HKDC1: variants seen among roughly 807,000 people sequenced by gnomAD.
The protein encoded by HKDC1 is hexokinase domain containing 1, also known as hexokinase HKDC1.
In HKDC1, 66 loss-of-function variants were observed where a neutral mutation model predicts 96.6. The ratio of observed to expected loss-of-function variants is 0.68; its 90% CI spans 0.56 to 0.84. HKDC1 has a LOEUF of 0.84. Among genes scored for constraint, HKDC1 ranks in the 40% least tolerant of loss-of-function variants. The probability of loss-of-function intolerance (pLI) is 0.00; values close to 1 mark genes in which losing one functional copy is unlikely to be tolerated. For missense variants in HKDC1, 1,211 were observed against 1,208.1 expected, an observed-to-expected ratio of 1.00 and a Z score of -0.04; for synonymous variants, 466 against 473.1, an observed-to-expected ratio of 0.98 and a Z score of 0.20.
chr10:69,227,215 G>A lies in HKDC1; in HGVS notation c.72G>A (p.Arg24=), dbSNP rs1039717208. Reference sequence around the variant, plus strand: ...GCCGGTGTCTGTTCCAGGTGGACAGGTTCCTGTATCACATGCGGCTCTCCG... The same window carrying A: ...GCCGGTGTCTGTTCCAGGTGGACAGATTCCTGTATCACATGCGGCTCTCCG... ...LKEDQIKKVD[R]FLYHMRLSDD... is the part of the protein sequence containing the mutation. Residue 24 remains arginine, a synonymous_variant, in exon 2 of 18, where the codon AGG becomes AGA. Coordinates refer to ENST00000354624, the MANE Select transcript of HKDC1 (RefSeq NM_025130.4). 1.2e-6 allele frequency: 2 copies of A among 1,614,046 alleles called. No homozygotes were observed. Among genetic ancestry groups the A allele is most frequent in the Non-Finnish European group, 1.7e-6 (2 of 1,180,016 alleles).
At position 69,221,858 on chromosome 10, in the gene HKDC1, G is replaced by A. The variant is rs188147867; in HGVS notation, c.63+1360G>A. On this transcript the variant is annotated intron_variant, in intron 1 of 17. Coordinates refer to ENST00000354624, the MANE Select transcript of HKDC1 (RefSeq NM_025130.4). ...TGCGGTGGCAGGATGGCTTGAGCCC[G>A]GGAGACTGCGCTACTGCACTCCAGC... Among the ~76,000 whole-genome samples, 8 of 151,902 alleles carry A rather than the reference G, an allele frequency of 5.3e-5. No homozygotes were observed. The East Asian group carries it at 1.2e-3, about 22-fold the overall frequency.
chr10:69,220,995 C>CA (rs1298985414), intron 1 of HKDC1, among the ~76,000 whole-genome samples: 1 of 152,018 alleles, frequency 6.6e-6, no homozygotes, highest in Non-Finnish European at 1.5e-5. Flanking sequence ...ACTAAAAATA[C>CA]AAAAATTAGC....
chr10:69,253,894 C>A (rs923859980), intron 12 of HKDC1, among the ~76,000 whole-genome samples: 1 of 152,098 alleles, frequency 6.6e-6, no homozygotes, highest in Admixed American at 6.6e-5. Context: ...GCCAAGCTTC[C>A]GAGACTGGCA....
rs151031354 is a variant in HKDC1 at position 69,234,810 on chromosome 10, G to A, written c.495+1677G>A. Among the ~76,000 whole-genome samples, 1,029 of 152,364 alleles carry A rather than the reference G, an allele frequency of 6.8e-3. 6 individuals carry two copies. Among genetic ancestry groups the A allele is most frequent in the Non-Finnish European group, 0.011 (753 of 68,028 alleles). On this transcript the variant is annotated intron_variant, in intron 4 of 17. Coordinates refer to ENST00000354624, the MANE Select transcript of HKDC1 (RefSeq NM_025130.4). ...TCCCCGCCAAGGTCTCTGACAATGTGTTGTATTTAATAGGTGCTTGATAAC... is the reference window on the plus strand; with the variant it reads ...TCCCCGCCAAGGTCTCTGACAATGTATTGTATTTAATAGGTGCTTGATAAC...
intron 2 of HKDC1, chr10:69,232,295 T>G (rs1309566042): frequency 2.9e-5 from 5 of 169,968 alleles, no homozygotes; most frequent in Non-Finnish European, 5.1e-5. Flanking sequence ...CAGGAGTGTT[T>G]TCCCTCTGCC....
At chr10:69,237,627 C>A (rs1223194536) in intron 4 of HKDC1, among the ~76,000 whole-genome samples, 2 of 152,220 alleles carry the variant, frequency 1.3e-5, no homozygotes, top group Non-Finnish European at 2.9e-5. Context: ...TTATCCCTCA[C>A]TTCCCCCATC....
chr10:69,246,279 G>C, intron 8 of HKDC1, 45 bp downstream of exon 8: 2 of 1,603,758 alleles, frequency 1.2e-6, no homozygotes, highest in South Asian at 2.2e-5. Flanking sequence ...GCTGGGATGG[G>C]AGGCCCAGGT....
At chr10:69,240,594 G>A in intron 5 of HKDC1, 58 bp from the exon 6 acceptor site, 1 of 1,405,486 alleles carries the variant, frequency 7.1e-7, no homozygotes, top group Admixed American at 1.7e-5. Flanking sequence ...TGTGGGGAAG[G>A]AGGGAGGGAA....
At chr10:69,247,912 A>G (rs1384487510) in intron 9 of HKDC1, among the ~76,000 whole-genome samples, 2 of 152,162 alleles carry the variant, frequency 1.3e-5, no homozygotes, top group Non-Finnish European at 2.9e-5. Flanking sequence ...GCCATTATTT[A>G]CTGAACACCT....
chr10:69,255,705 T>G lies in HKDC1; in HGVS notation c.1837-1331T>G, dbSNP rs1259097085. On this transcript the variant is annotated intron_variant, in intron 12 of 17. Transcript: ENST00000354624. ...GCCGAGGAGGGTGGATCACTTGAGG[T>G]CAGGAGTTCAAGACCAGCCTGGCCA... is the stretch of plus-strand genomic sequence containing the variant. Among the ~76,000 whole-genome samples, 3 of 152,134 alleles carry G rather than the reference T, an allele frequency of 2.0e-5. No individual in the cohort carries two copies. In the East Asian group the frequency reaches 5.8e-4, roughly 29 times the overall value.
intron 2 of HKDC1, among the ~76,000 whole-genome samples, chr10:69,230,076 C>T (rs1461403134): frequency 6.6e-6 from 1 of 152,252 alleles, no homozygotes; most frequent in Non-Finnish European, 1.5e-5. Context: ...CTACTCCCAT[C>T]AGGACCTATC....
intron 1 of HKDC1, chr10:69,222,735 C>T (rs1381695788): frequency 3.3e-5 from 5 of 152,142 alleles, no homozygotes; most frequent in East Asian, 1.9e-4. Context: ...CTGTGGGAGG[C>T]GAGAAAGTTG....
intron 12 of HKDC1, among the ~76,000 whole-genome samples, chr10:69,251,283 AT>A (rs1252195512): frequency 6.6e-6 from 1 of 151,698 alleles, no homozygotes; most frequent in Admixed American, 6.6e-5. Flanking sequence ...TTTAGTAGAG[AT>A]GGGGTTTCAC....
chr10:69,222,170 C>G (rs1311231585), intron 1 of HKDC1, among the ~76,000 whole-genome samples: 2 of 151,846 alleles, frequency 1.3e-5, no homozygotes, highest in Non-Finnish European at 2.9e-5. Flanking sequence ...TACAGTGAGC[C>G]GAGATCATGC....
rs142106143 is a variant in HKDC1, at chr10:69,258,817, A to C, written c.2074A>C (p.Ile692Leu). 80 of 1,614,108 alleles carry C rather than the reference A, an allele frequency of 5.0e-5. No homozygotes were observed. In the African/African-American group the frequency reaches 9.2e-4, roughly 19 times the overall value. The change falls in exon 15 of 18, where the codon ATC becomes CTC. Residue 692 changes from isoleucine to leucine, a missense_variant. By Grantham distance (5) the Ile-to-Leu change is conservative. Transcript: ENST00000354624. ...GTGCTACATGGAGGACATGAGGAAC[A>C]TCGAGATGGTGGAGGGGGGTGAAGG... Reference protein sequence around the residue: ...NMCYMEDMRNIEMVEGGEGKM... With the variant: ...NMCYMEDMRNLEMVEGGEGKM...
At chr10:69,257,454 C>T (rs1474236063) in intron 14 of HKDC1, 28 bp downstream of exon 14, 2 of 1,475,228 alleles carry the variant, frequency 1.4e-6, no homozygotes, top group African/African-American at 1.4e-5. Context: ...GCCCATTGGC[C>T]TAATCCCACT....
intron 12 of HKDC1, among the ~76,000 whole-genome samples, chr10:69,255,832 G>A (rs762529952): frequency 2.2e-4 from 34 of 151,398 alleles, no homozygotes; most frequent in Non-Finnish European, 2.5e-4. Flanking sequence ...CACGAGAATC[G>A]CCTGAACCTG....
Position 69,265,607 on chromosome 10 carries a change from G to A in HKDC1, c.2395G>A (p.Val799Ile), listed in dbSNP as rs748236433. 3 of 1,613,686 alleles carry A rather than the reference G, an allele frequency of 1.9e-6. No homozygotes were observed. Among genetic ancestry groups the A allele is most frequent in the East Asian group, 2.2e-5 (1 of 44,876 alleles). ...IESDRLALLQ[V>I]RRILQQLGLD... Reference sequence around the variant, plus strand: ...CAGCGATCGGCTGGCCCTTCTCCAGGTCAGGAGGATTCTGCAGCAGCTGGG... The same window carrying A: ...CAGCGATCGGCTGGCCCTTCTCCAGATCAGGAGGATTCTGCAGCAGCTGGG... Residue 799 changes from valine (V) to isoleucine (I), a missense_variant, in exon 17 of 18, where the codon GTC becomes ATC. By Grantham distance (29) the Val-to-Ile change is conservative. Coordinates refer to ENST00000354624, the MANE Select transcript of HKDC1 (RefSeq NM_025130.4).
At chr10:69,248,050 G>A (rs901735478) in intron 9 of HKDC1, among the ~76,000 whole-genome samples, 2 of 152,240 alleles carry the variant, frequency 1.3e-5, no homozygotes, top group African/African-American at 4.8e-5. Context: ...GAATTTTCCA[G>A]AAGGAAGGAG....
Sources: gnomAD v4.1 joint callset for allele counts (sites outside exome capture counted in the v4.1 genomes callset) on GRCh38, gnomAD v4.1.1 for gene constraint, MANE v1.5 for transcripts, NCBI Gene and HGNC (gene_info 2026-07-23, HGNC 2026-07-21) for gene names.